ROBO2: variants seen among roughly 807,000 people sequenced by gnomAD.
ROBO2 encodes the protein roundabout guidance receptor 2.
A neutral mutation model predicts 160.8 loss-of-function variants in ROBO2; 53 were observed. The ratio of observed to expected loss-of-function variants is 0.33; its 90% confidence interval spans 0.26 to 0.41. ROBO2 has a LOEUF of 0.41. Among genes scored for constraint, ROBO2 ranks in the 10% least tolerant of loss-of-function variants. The pLI is 1.00. For missense variants in ROBO2, 1,577 were observed against 1,722.4 expected (o/e 0.92, Z 1.49); for synonymous variants, 664 against 611.7 (o/e 1.09, Z -1.26).
chr3:76,019,068 G>T (rs2066488313), intron 2 of ROBO2, among the ~76,000 whole-genome samples: 5 of 151,788 alleles, frequency 3.3e-5, no homozygotes, highest in Admixed American at 3.3e-4. Flanking sequence ...TTGCATTATG[G>T]CCTCCCCACA....
At chr3:77,375,549 G>A (rs9872037) in intron 2 of ROBO2, among the ~76,000 whole-genome samples, 101,595 of 151,994 alleles carry the variant, frequency 0.67, 36,896 homozygotes, top group Non-Finnish European at 0.81. Context: ...TAACCCTTCC[G>A]CACTTTTTGT....
rs1217799395 is a variant in ROBO2 at position 76,682,818 on chromosome 3, C to T, written c.110-415196C>T. Among the ~76,000 whole-genome samples, 4 of 152,276 alleles carry T rather than the reference C, an allele frequency of 2.6e-5. No individual in the cohort carries two copies. In the East Asian group the frequency reaches 7.7e-4, roughly 29 times the overall value. On this transcript the variant is annotated intron_variant, in intron 2 of 26. Transcript: ENST00000487694. ...GCTGGAGAGTTATAATAGTAAAAATCAAGCACTCCATTATTCACGTGTTAG... is the reference window on the plus strand; with the variant it reads ...GCTGGAGAGTTATAATAGTAAAAATTAAGCACTCCATTATTCACGTGTTAG...
chr3:77,353,440 A>G (rs1305566291), intron 2 of ROBO2, among the ~76,000 whole-genome samples: 1 of 152,192 alleles, frequency 6.6e-6, no homozygotes, highest in East Asian at 1.9e-4. Flanking sequence ...GTTCTGAAAC[A>G]AAAATGTTCA....
chr3:76,775,717 CTATT>C (rs1371346814), intron 2 of ROBO2, among the ~76,000 whole-genome samples: 2 of 146,924 alleles, frequency 1.4e-5, no homozygotes, highest in African/African-American at 5.0e-5. Context: ...TTGACAAAAT[CTATT>C]TCATGGAATA....
chr3:77,481,338 A>G (rs1194057078), intron 4 of ROBO2, 119 bp downstream of exon 4: 1 of 697,246 alleles, frequency 1.4e-6, no homozygotes, highest in East Asian at 3.4e-5. Flanking sequence ...CATGGTAAGC[A>G]GTGACAAATT....
intron 2 of ROBO2, among the ~76,000 whole-genome samples, chr3:76,794,525 G>T (rs1312634273): frequency 6.6e-6 from 1 of 151,852 alleles, no homozygotes; most frequent in Non-Finnish European, 1.5e-5. Context: ...AGCTGTATGG[G>T]TTATTTTCAT....
intron 2 of ROBO2, among the ~76,000 whole-genome samples, chr3:76,589,360 C>T (rs2086263657): frequency 6.6e-6 from 1 of 152,016 alleles, no homozygotes; most frequent in African/African-American, 2.4e-5. Context: ...AGTGCAGTGG[C>T]GCCATCTCGG....
intron 2 of ROBO2, among the ~76,000 whole-genome samples, chr3:76,515,397 T>C (rs2081301434): frequency 6.6e-6 from 1 of 152,166 alleles, no homozygotes; most frequent in Non-Finnish European, 1.5e-5. Context: ...ATTTCCTTTT[T>C]TTCCCCAACT....
intron 2 of ROBO2, among the ~76,000 whole-genome samples, chr3:77,164,591 C>T (rs2078825828): frequency 1.5e-5 from 2 of 133,090 alleles, no homozygotes; most frequent in South Asian, 2.5e-4. Flanking sequence ...AGGGGCGCCT[C>T]TGCCCGGCTG....
chr3:75,947,912 GCT>G (rs1948377949), intron 2 of ROBO2, among the ~76,000 whole-genome samples: 1 of 151,982 alleles, frequency 6.6e-6, no homozygotes. Flanking sequence ...AATACTTCAG[GCT>G]TTTTAAAGTG....
chr3:76,674,198 C>T (rs1243509725), intron 2 of ROBO2, among the ~76,000 whole-genome samples: 1 of 152,000 alleles, frequency 6.6e-6, no homozygotes, highest in Non-Finnish European at 1.5e-5. Context: ...AGGGATACAT[C>T]CAAAACTAAA....
intron 2 of ROBO2, among the ~76,000 whole-genome samples, chr3:76,556,216 C>T (rs1416436060): frequency 6.6e-6 from 1 of 152,070 alleles, no homozygotes; most frequent in Non-Finnish European, 1.5e-5. Context: ...GAATTCACAC[C>T]ACATTTCTAA....
At chr3:76,328,522 C>T (rs1434932645) in intron 2 of ROBO2, among the ~76,000 whole-genome samples, 3 of 152,030 alleles carry the variant, frequency 2.0e-5, no homozygotes, top group East Asian at 1.9e-4. Flanking sequence ...ATCAGGAGAT[C>T]GAGACCATCC....
At chr3:77,336,802 A>T (rs938604887) in intron 2 of ROBO2, among the ~76,000 whole-genome samples, 9 of 152,178 alleles carry the variant, frequency 5.9e-5, no homozygotes, top group Non-Finnish European at 1.2e-4. Context: ...TTTGCAAACA[A>T]ACACTTGTGA....
intron 2 of ROBO2, among the ~76,000 whole-genome samples, chr3:76,634,503 G>T (rs2090203884): frequency 6.6e-6 from 1 of 151,992 alleles, no homozygotes; most frequent in Non-Finnish European, 1.5e-5. Flanking sequence ...GGGAGGCAGG[G>T]GTTGCAGTGA....
At chr3:76,779,884 C>A (rs2062520957) in intron 2 of ROBO2, among the ~76,000 whole-genome samples, 1 of 150,848 alleles carries the variant, frequency 6.6e-6, no homozygotes, top group African/African-American at 2.4e-5. Flanking sequence ...TCTTAGAAAT[C>A]CTGATTTCAT....
At chr3:76,511,683 T>G (rs1476836055) in intron 2 of ROBO2, among the ~76,000 whole-genome samples, 6 of 152,170 alleles carry the variant, frequency 3.9e-5, no homozygotes, top group Admixed American at 6.5e-5. Flanking sequence ...CTACTAAAAA[T>G]AGTTGTGCAT....
chr3:77,497,807 C>T (rs1213616498), intron 5 of ROBO2, among the ~76,000 whole-genome samples: 29 of 151,852 alleles, frequency 1.9e-4, no homozygotes, highest in Admixed American at 1.3e-4. Context: ...TGTATATTTT[C>T]GTTATATAAA....
chr3:76,241,212 G>A (rs1295149488), intron 2 of ROBO2, among the ~76,000 whole-genome samples: 1 of 152,030 alleles, frequency 6.6e-6, no homozygotes, highest in African/African-American at 2.4e-5. Context: ...CTTTAACTCT[G>A]TTATTGAATA....
Sources: allele counts gnomAD v4.1 joint callset (sites outside exome capture counted in the v4.1 genomes callset), GRCh38; gene constraint gnomAD v4.1.1; transcripts MANE v1.5; gene names NCBI Gene and HGNC (gene_info 2026-07-23, HGNC 2026-07-21).